CCND3: variants seen among roughly 807,000 people sequenced by gnomAD.
The protein encoded by CCND3 is G1/S-specific cyclin-D3.
Under a neutral mutation model 28.7 loss-of-function variants are expected in CCND3, and 9 were observed. The observed-to-expected ratio is 0.31, with a 90% confidence interval of 0.19 to 0.55. The LOEUF is 0.55. Ranked by LOEUF, CCND3 falls within the 20% of genes least tolerant of loss-of-function variation. CCND3 has a pLI of 0.93. For missense variants in CCND3, 315 were observed against 385.8 expected (o/e 0.82, Z 1.54); for synonymous variants, 164 against 163.9 (o/e 1.00, Z 0.00).
chr6:41,986,034 T>G (rs1762472374), intron 1 of CCND3, among the ~76,000 whole-genome samples: 1 of 152,042 alleles, frequency 6.6e-6, no homozygotes, highest in Non-Finnish European at 1.5e-5. Context: ...TTGAAGAGAT[T>G]GTCCTATCCC....
At chr6:41,988,131 C>G (rs1762540773) in intron 1 of CCND3, among the ~76,000 whole-genome samples, 1 of 151,858 alleles carries the variant, frequency 6.6e-6, no homozygotes, top group Non-Finnish European at 1.5e-5. Flanking sequence ...ACCTGACCAA[C>G]ATGGAGAAAC....
chr6:41,955,583 C>G (rs1017746824), intron 1 of CCND3, among the ~76,000 whole-genome samples: 2 of 146,866 alleles, frequency 1.4e-5, no homozygotes, highest in East Asian at 4.0e-4. Context: ...TGAAACCCCA[C>G]AGCAAACATC....
rs188010730 is a variant in CCND3, at chr6:42,019,104, A to G, written c.-46+29397T>C. Among the ~76,000 whole-genome samples, 24 of 152,298 alleles carry G rather than the reference A, an allele frequency of 1.6e-4. No homozygotes were observed. The East Asian group carries it at 3.5e-3, about 22-fold the overall frequency. On this transcript the variant is annotated intron_variant, in intron 1 of 4. Coordinates refer to the CCND3 transcript ENST00000372988. ...ATCAGTTGTTATAAAATTGCAATCT[A>G]TAAATAAGTATATCATCAATGGTAT...
chr6:41,957,006 G>A (rs1380467777), intron 1 of CCND3, among the ~76,000 whole-genome samples: 1 of 152,282 alleles, frequency 6.6e-6, no homozygotes, highest in Non-Finnish European at 1.5e-5. Flanking sequence ...ACTCCAGCCT[G>A]GGCAACAGAA....
At chr6:42,041,439 C>T (rs1017202877) in intron 1 of CCND3, among the ~76,000 whole-genome samples, 1 of 152,220 alleles carries the variant, frequency 6.6e-6, no homozygotes, top group African/African-American at 2.4e-5. Context: ...CTAGCATGTT[C>T]TATGCCCTGG....
chr6:41,959,679 T>TCCGTCTCAAAAA (rs772818142), intron 1 of CCND3, among the ~76,000 whole-genome samples: 12 of 147,200 alleles, frequency 8.2e-5, no homozygotes, highest in African/African-American at 1.3e-4. Context: ...ACAGCAAGAC[T>TCCGTCTCAAAAA]AAATCAGGCC....
Position 42,001,403 on chromosome 6 carries a change from T to C in CCND3, c.-46+47098A>G, listed in dbSNP as rs1276481978. ...TAAACAAATAGTGCATATACATCCA[T>C]ACAATGCAATACAAGTTAGCAATAA... On this transcript the variant is annotated intron_variant, in intron 1 of 4. Transcript: ENST00000372988. 2.6e-5 allele frequency among the ~76,000 whole-genome samples: 4 copies of C among 152,100 alleles called. No individual in the cohort carries two copies. The East Asian group carries it at 5.8e-4, about 22-fold the overall frequency.
chr6:42,011,109 A>AATGAATGG (rs1763334328), intron 1 of CCND3: 1 of 148,868 alleles, frequency 6.7e-6, no homozygotes, highest in South Asian at 2.1e-4. Context: ...TGAATGAATG[A>AATGAATGG]ATGGATTTTT....
intron 1 of CCND3, among the ~76,000 whole-genome samples, chr6:42,014,325 G>A (rs913037068): frequency 9.2e-5 from 14 of 152,028 alleles, no homozygotes; most frequent in Admixed American, 2.6e-4. Context: ...CCGAGATGGC[G>A]CCACTGCACT....
intron 1 of CCND3, among the ~76,000 whole-genome samples, chr6:42,006,449 G>A (rs1372085858): frequency 6.6e-6 from 1 of 152,044 alleles, no homozygotes; most frequent in Admixed American, 6.6e-5. Flanking sequence ...AGTAGGGCAA[G>A]GATGCCTGCT....
At chr6:41,992,109 C>T (rs555779682) in intron 1 of CCND3, among the ~76,000 whole-genome samples, 1 of 152,174 alleles carries the variant, frequency 6.6e-6, no homozygotes, top group South Asian at 2.1e-4. Context: ...GATAAATGCC[C>T]AGTAGTGGGA....
At chr6:41,972,280 T>C (rs897158006) in intron 1 of CCND3, among the ~76,000 whole-genome samples, 1 of 150,252 alleles carries the variant, frequency 6.7e-6, no homozygotes, top group Non-Finnish European at 1.5e-5. Context: ...CAGAATCCTT[T>C]GCAGTTCTAA....
intron 1 of CCND3, among the ~76,000 whole-genome samples, chr6:41,987,268 G>T (rs1378638490): frequency 2.0e-5 from 3 of 151,964 alleles, no homozygotes; most frequent in Admixed American, 6.6e-5. Flanking sequence ...GGCTCCAAAG[G>T]CTTGTGGCAT....
intron 1 of CCND3, among the ~76,000 whole-genome samples, chr6:41,988,853 C>T (rs930461108): frequency 1.3e-5 from 2 of 151,222 alleles, no homozygotes; most frequent in Admixed American, 1.3e-4. Context: ...CGCCTGCCAC[C>T]GCGCCCAGCT....
At chr6:42,032,830 T>G (rs1449945928) in intron 1 of CCND3, among the ~76,000 whole-genome samples, 2 of 152,228 alleles carry the variant, frequency 1.3e-5, no homozygotes. Context: ...CTCATCTTCC[T>G]GTAGTTCTCT....
At position 41,984,327 on chromosome 6, in the gene CCND3, A is replaced by C. The variant is rs1036545408; in HGVS notation, c.-45-43742T>G. ...CACCCAGAAGTTGGAGTGCTGGATCATATGGTAGTTCTGTTTTTTTGTTTG... is the reference window on the plus strand; with the variant it reads ...CACCCAGAAGTTGGAGTGCTGGATCCTATGGTAGTTCTGTTTTTTTGTTTG... On this transcript the variant is annotated intron_variant, in intron 1 of 4. Transcript: ENST00000372988. 2.1e-4 allele frequency among the ~76,000 whole-genome samples: 32 copies of C among 152,146 alleles called. 1 individual carries two copies. Among genetic ancestry groups the C allele is most frequent in the African/African-American group, 7.5e-4 (31 of 41,536 alleles).
Position 41,936,281 on chromosome 6 carries a change from AGT to A in CCND3, c.712-176_712-175del. ...AACTAGCAAGAGGATGTGGCAAGGG[AGT>A]GTGAGAGCAGCCCTGCATCTGACAC... On this transcript the variant is annotated intron_variant, in intron 4 of 4. Transcript: ENST00000372991. This position sits in a 1 kb window ranked among gnomAD's most constrained non-coding sequence, Gnocchi z 4.4. The A allele has an allele frequency of 1.4e-6, 1 of 733,258 alleles. No individual in the cohort carries two copies. The highest frequency in any genetic ancestry group is 2.2e-6 in the Non-Finnish European group (1 of 460,698). 45.4% of individuals were successfully genotyped at this position (733,258 alleles called of 1,614,324 possible). A position where few individuals can be genotyped will look rare whatever the true frequency, so the allele number is the denominator to read the frequency against.
chr6:42,014,539 C>T (rs1763442961), intron 1 of CCND3, among the ~76,000 whole-genome samples: 1 of 152,206 alleles, frequency 6.6e-6, no homozygotes, highest in African/African-American at 2.4e-5. Context: ...GGAAAATGCT[C>T]ATCCTATATA....
chr6:41,961,019 G>C (rs1260989783), intron 1 of CCND3, among the ~76,000 whole-genome samples: 3 of 152,156 alleles, frequency 2.0e-5, no homozygotes, highest in Non-Finnish European at 4.4e-5. Flanking sequence ...AGGGGAAGAG[G>C]ACAGCACACA....
Sources: gnomAD v4.1 joint callset for allele counts (sites outside exome capture counted in the v4.1 genomes callset) on GRCh38, gnomAD v4.1.1 for gene constraint, Gnocchi (gnomAD v3.1) non-coding constraint, MANE v1.5 for transcripts, NCBI Gene and HGNC (gene_info 2026-07-23, HGNC 2026-07-21) for gene names.